The following ZNF84 variants were observed in gnomAD, a reference collection of about 807,000 sequenced individuals.
The protein encoded by ZNF84 is zinc finger protein HPF2.
A neutral mutation model predicts 14.8 loss-of-function variants in ZNF84; 12 were observed. That is an observed-to-expected ratio of 0.81 (90% CI 0.52 to 1.31). The LOEUF is 1.31. Ranked by LOEUF, ZNF84 falls within the 50% of genes most tolerant of loss-of-function variation. The probability of loss-of-function intolerance (pLI) is 0.00; values close to 1 mark genes in which losing one functional copy is unlikely to be tolerated. For missense variants in ZNF84, 859 were observed against 878.6 expected (o/e 0.98, Z 0.28); for synonymous variants, 347 against 291.1 (o/e 1.19, Z -1.96).
At position 133,057,830 on chromosome 12, in the gene ZNF84, C is replaced by G; in HGVS notation, c.1115C>G (p.Thr372Arg). Residue 372 changes from threonine (T) to arginine (R), a missense_variant, in exon 5 of 5, where the codon ACA becomes AGA. Physicochemically the swap from Thr to Arg is moderately conservative, Grantham distance 71 (BLOSUM62 -1). Transcript: ENST00000539354. ...ACACATCACAGAACTCACACAGGAA[C>G]AAAACCCTTTGGATGTAGTGATTGT... ...LVTHHRTHTG[T>R]KPFGCSDCRK... is the part of the protein sequence containing the mutation. 6.2e-7 allele frequency: 1 copy of G among 1,612,730 alleles called. No individual in the cohort carries two copies. Among genetic ancestry groups the G allele is most frequent in the Non-Finnish European group, 8.5e-7 (1 of 1,179,468 alleles).
In ZNF84 at chr12:133,058,457, C is replaced by T; in HGVS notation, c.1742C>T (p.Ser581Phe). Residue 581 changes from serine to phenylalanine, a missense_variant, in exon 5 of 5, where the codon TCC (serine) becomes TTC (phenylalanine). Transcript: ENST00000539354. Reference protein sequence around the residue: ...YECRDCEKAFSQKSQLNTHQR... With the variant: ...YECRDCEKAFFQKSQLNTHQR... ...TGCAGGGACTGTGAAAAAGCTTTCT[C>T]CCAGAAATCACAGCTAAATACCCAT... The T allele has an allele frequency of 6.2e-7, 1 of 1,613,862 alleles. No individual in the cohort carries two copies. The highest frequency in any genetic ancestry group is 8.5e-7 in the Non-Finnish European group (1 of 1,179,974).
Position 133,058,965 on chromosome 12 carries a change from T to C in ZNF84, c.*33T>C. On this transcript the variant is annotated 3_prime_UTR_variant, in exon 5 of 5. Transcript: ENST00000539354. ...GTTAATAGTAGTCTTTGACAGATCA[T>C]CTTGGACTTCAGGAAATGCAATTAT... 1.3e-6 allele frequency: 2 copies of C among 1,527,466 alleles called. No homozygotes were observed. The highest frequency in any genetic ancestry group is 1.8e-6 in the Non-Finnish European group (2 of 1,142,800). The allele number at this position is 1,527,466 out of a possible 1,614,324, so 94.6% of individuals were successfully genotyped here. A position where few individuals can be genotyped will look rare whatever the true frequency, so the allele number is the denominator to read the frequency against.
intron 3 of ZNF84, 131 bp from the exon 4 acceptor site, chr12:133,048,622 C>A: frequency 1.6e-6 from 1 of 614,974 alleles, no homozygotes; most frequent in Admixed American, 2.7e-5. Flanking sequence ...GTTACTGTAA[C>A]TTTGAGAATT....
rs1298039153 is a variant in ZNF84 at position 133,062,884 on chromosome 12, A to G, written c.*3952A>G. On this transcript the variant is annotated 3_prime_UTR_variant, in exon 5 of 5. Transcript: ENST00000539354. ...TTCTATTATCACTTATGTTTTTGCA[A>G]ATCTGCAATTGAAATGCCCTTGTTC... 9.4e-6 allele frequency: 5 copies of G among 529,640 alleles called. No individual in the cohort carries two copies. Among genetic ancestry groups the G allele is most frequent in the African/African-American group, 1.9e-5 (1 of 53,110 alleles). The allele number at this position is 529,640 out of a possible 1,614,324, so 32.8% of individuals were successfully genotyped here.
intron 1 of ZNF84, chr12:133,039,161 A>G (rs1406980234): frequency 6.6e-6 from 1 of 152,204 alleles, no homozygotes; most frequent in African/African-American, 2.4e-5. Context: ...GTATTATCAC[A>G]ATTTAAGGTA....
At chr12:133,039,519 C>T (rs1953848969) in intron 1 of ZNF84, among the ~76,000 whole-genome samples, 1 of 152,230 alleles carries the variant, frequency 6.6e-6, no homozygotes, top group Admixed American at 6.5e-5. Flanking sequence ...TACAATCACT[C>T]ATTGTCCCAG....
intron 4 of ZNF84, among the ~76,000 whole-genome samples, chr12:133,049,940 A>G (rs1450904130): frequency 2.0e-5 from 3 of 152,134 alleles, no homozygotes; most frequent in Non-Finnish European, 2.9e-5. Context: ...AGATTCTAAT[A>G]TTTTACAGGC....
chr12:133,040,852 A>G (rs1434096506), intron 1 of ZNF84: 3 of 152,180 alleles, frequency 2.0e-5, no homozygotes, highest in Non-Finnish European at 4.4e-5. Context: ...AAAGTTAAGG[A>G]TATATTAATA....
rs1243277239 is a variant in ZNF84, at chr12:133,060,172, TTACTG to T, written c.*1242_*1246del. 4.1e-3 allele frequency: 623 copies of T among 152,332 alleles called. 7 individuals carry two copies. The highest frequency in any genetic ancestry group is 0.015 in the African/African-American group (603 of 41,574). The allele number at this position is 152,332 out of a possible 1,614,324, so 9.4% of individuals were successfully genotyped here. A position where few individuals can be genotyped will look rare whatever the true frequency, so the allele number is the denominator to read the frequency against. On this transcript the variant is annotated 3_prime_UTR_variant, in exon 5 of 5. Coordinates refer to ENST00000539354, the MANE Select transcript of ZNF84 (RefSeq NM_001289971.2). ...GTAACCCAAATGTCACTATTTTAAT[TTACTG>T]TGATAAAGTATCATGGATATTTTGT...
Position 133,057,878 on chromosome 12 carries a change from CAG to C in ZNF84, c.1166_1167del (p.Glu389AlafsTer3). The stretch of plus-strand genomic sequence containing the variant: ...TGTAGAAAAGCATTCTTTGAGAAGT[CAG>C]AGCTTATTAGACATCAGACAATTCA... On this transcript the variant is annotated frameshift_variant, in exon 5 of 5. Transcript: ENST00000539354. LOFTEE classifies it low-confidence loss of function (END_TRUNC). 1 of 1,613,614 alleles carries C rather than the reference CAG, an allele frequency of 6.2e-7. No homozygotes were observed.
At position 133,057,222 on chromosome 12, in the gene ZNF84, GC is replaced by G. The variant is rs1954175015; in HGVS notation, c.509del (p.Pro170LeufsTer8). ...VFDNFFLHSK[P>X]EDTDTWLKYY... Reference sequence around the variant, plus strand: ...TTGATAATTTTTTTCTCCATTCCAAGCCTGAGGATACTGATACCTGGTTAAA... The same window carrying G: ...TTGATAATTTTTTTCTCCATTCCAAGCTGAGGATACTGATACCTGGTTAAA... On this transcript the variant is annotated frameshift_variant, in exon 5 of 5. Coordinates refer to ENST00000539354, the MANE Select transcript of ZNF84 (RefSeq NM_001289971.2). LOFTEE classifies it low-confidence loss of function (END_TRUNC). 6.2e-7 allele frequency: 1 copy of G among 1,613,588 alleles called. No individual in the cohort carries two copies. Among genetic ancestry groups the G allele is most frequent in the Admixed American group, 1.7e-5 (1 of 59,930 alleles).
At chr12:133,048,309 A>G (rs1954018275) in intron 3 of ZNF84, 2 of 426,312 alleles carry the variant, frequency 4.7e-6, no homozygotes, top group South Asian at 6.2e-5. Context: ...AAACTTAAGT[A>G]GTAATAGTTT....
At chr12:133,044,140 CTTTTT>C (rs1299126647) in intron 2 of ZNF84, among the ~76,000 whole-genome samples, 2 of 149,564 alleles carry the variant, frequency 1.3e-5, no homozygotes, top group African/African-American at 4.9e-5. Flanking sequence ...TCAGCAATAA[CTTTTT>C]TTTTCTTTTT....
Position 133,057,871 on chromosome 12 carries a change from G to A in ZNF84, c.1156G>A (p.Glu386Lys). The A allele has an allele frequency of 6.2e-7, 1 of 1,613,598 alleles. No homozygotes were observed. The highest frequency in any genetic ancestry group is 8.5e-7 in the Non-Finnish European group (1 of 1,179,614). Residue 386 changes from glutamate (E) to lysine (K), a missense_variant, in exon 5 of 5, where the codon GAG (glutamate) becomes AAG (lysine). Physicochemically the swap from Glu to Lys is moderately conservative, Grantham distance 56 (BLOSUM62 1). Transcript: ENST00000539354. ...TAGTGATTGTAGAAAAGCATTCTTT[G>A]AGAAGTCAGAGCTTATTAGACATCA... is the stretch of plus-strand genomic sequence containing the variant. The part of the protein sequence containing the change: ...GCSDCRKAFF[E>K]KSELIRHQTI...
Position 133,059,119 on chromosome 12 carries a change from A to G in ZNF84, c.*187A>G, listed in dbSNP as rs1243978135. The G allele has an allele frequency of 3.1e-5, 18 of 577,926 alleles. No homozygotes were observed. In the East Asian group the frequency reaches 5.3e-4, roughly 17 times the overall value. 35.8% of individuals were successfully genotyped at this position (577,926 alleles called of 1,614,324 possible). A position where few individuals can be genotyped will look rare whatever the true frequency, so the allele number is the denominator to read the frequency against. On this transcript the variant is annotated 3_prime_UTR_variant, in exon 5 of 5. Transcript: ENST00000539354. ...TAGAGTGAACCTATGACTGCAGTGG[A>G]TCTCAAAAACTTTTAAAACCATAGA...
chr12:133,049,128 G>A (rs1394791034), intron 4 of ZNF84, among the ~76,000 whole-genome samples: 1 of 152,194 alleles, frequency 6.6e-6, no homozygotes, highest in African/African-American at 2.4e-5. Flanking sequence ...TAGCTTCTTT[G>A]TAGCTTAAAA....
At chr12:133,048,634 C>T in intron 3 of ZNF84, 119 bp from the exon 4 acceptor site, 8 of 649,564 alleles carry the variant, frequency 1.2e-5, no homozygotes, top group South Asian at 1.1e-4. Context: ...TTGAGAATTA[C>T]TTACTCTGTT....
Position 133,058,090 on chromosome 12 carries a change from T to G in ZNF84, c.1375T>G (p.Phe459Val). ...GATGACACACACAGGAGAAAAACCC[T>G]TTATATGCAGTAAATGTGGGAAAGC... ...HQMTHTGEKPFICSKCGKAFS... is the reference protein window; with the variant it reads ...HQMTHTGEKPVICSKCGKAFS... The change falls in exon 5 of 5, where the codon TTT becomes GTT. Residue 459 changes from phenylalanine (F) to valine (V), a missense_variant. By Grantham distance (50) the Phe-to-Val change is conservative. Coordinates refer to ENST00000539354, the MANE Select transcript of ZNF84 (RefSeq NM_001289971.2). The G allele has an allele frequency of 6.2e-7, 1 of 1,613,762 alleles. No homozygotes were observed. Among genetic ancestry groups the G allele is most frequent in the South Asian group, 1.1e-5 (1 of 91,060 alleles).
chr12:133,059,873 GT>G lies in ZNF84; in HGVS notation c.*946del, dbSNP rs1954228557. On this transcript the variant is annotated 3_prime_UTR_variant, in exon 5 of 5. Transcript: ENST00000539354. ...TATAGACATACATAAGGGGTCTTTT[GT>G]TTTTATGGACCTTTCTATTCAGTAA... 2.0e-5 allele frequency: 3 copies of G among 152,128 alleles called. No individual in the cohort carries two copies. Among genetic ancestry groups the G allele is most frequent in the African/African-American group, 7.2e-5 (3 of 41,426 alleles). 9.4% of individuals were successfully genotyped at this position (152,128 alleles called of 1,614,324 possible).
Sources: allele counts gnomAD v4.1 joint callset (sites outside exome capture counted in the v4.1 genomes callset), GRCh38; gene constraint gnomAD v4.1.1; transcripts MANE v1.5; gene names NCBI Gene and HGNC (gene_info 2026-07-23, HGNC 2026-07-21).